The following PTAFR variants were observed in gnomAD, a reference collection of about 807,000 sequenced individuals.
PTAFR encodes the protein platelet-activating factor receptor.
PTAFR carries 8 observed loss-of-function variants against 14.7 expected under a neutral mutation model. The ratio of observed to expected loss-of-function variants is 0.54; its 90% CI spans 0.32 to 0.98. PTAFR has a LOEUF of 0.98. Among genes scored for constraint, PTAFR ranks in the 50% least tolerant of loss-of-function variants. The probability of loss-of-function intolerance (pLI) is 0.04; values close to 1 mark genes in which losing one functional copy is unlikely to be tolerated. For missense variants in PTAFR, 337 were observed against 451.2 expected (o/e 0.75, Z 2.29); for synonymous variants, 156 against 176.5 (o/e 0.88, Z 0.92).
chr1:28,186,093 C>A (rs1319609577), intron 1 of PTAFR, among the ~76,000 whole-genome samples: 1 of 152,098 alleles, frequency 6.6e-6, no homozygotes, highest in Admixed American at 6.6e-5. Context: ...TTCTCCCACC[C>A]CAGCCTCCCC....
intron 1 of PTAFR, among the ~76,000 whole-genome samples, chr1:28,156,994 C>T (rs1438253842): frequency 6.6e-6 from 1 of 152,210 alleles, no homozygotes; most frequent in Non-Finnish European, 1.5e-5. Context: ...CCTTCCTCTT[C>T]CTGGGTTCCT....
chr1:28,176,459 A>AG (rs1282506269), intron 1 of PTAFR, 133 bp downstream of exon 1: 2 of 153,054 alleles, frequency 1.3e-5, no homozygotes, highest in African/African-American at 4.8e-5. Context: ...AAAAAAAAAA[A>AG]AAAAAAGAAA....
chr1:28,190,228 TCA>T (rs1646641822), intron 1 of PTAFR, among the ~76,000 whole-genome samples: 1 of 139,332 alleles, frequency 7.2e-6, no homozygotes, highest in Non-Finnish European at 1.6e-5. Context: ...TGCCTGGGCC[TCA>T]GAGTGCTGGG....
intron 1 of PTAFR, among the ~76,000 whole-genome samples, chr1:28,184,850 G>T (rs1646593309): frequency 6.6e-6 from 1 of 152,040 alleles, no homozygotes; most frequent in Non-Finnish European, 1.5e-5. Context: ...ATGTTGGCCA[G>T]GCTGGTCTCG....
intron 1 of PTAFR, among the ~76,000 whole-genome samples, chr1:28,156,040 T>C (rs1166822911): frequency 2.0e-5 from 3 of 151,794 alleles, no homozygotes; most frequent in African/African-American, 7.3e-5. Context: ...GACGGGTGGA[T>C]CACCTGAGGT....
At chr1:28,175,008 C>A (rs1206609254) in intron 1 of PTAFR, among the ~76,000 whole-genome samples, 1 of 152,168 alleles carries the variant, frequency 6.6e-6, no homozygotes, top group African/African-American at 2.4e-5. Context: ...CTCACTGCAA[C>A]CTCCGCCTCC....
rs1438852493 is a variant in PTAFR at position 28,151,072 on chromosome 1, A to G, written c.-38-13T>C. On this transcript the variant is annotated splice_polypyrimidine_tract_variant and intron_variant, in intron 1 of 1. Coordinates refer to ENST00000373857, the MANE Select transcript of PTAFR (RefSeq NM_000952.5). ...GTCCTGGTGGTGCCTGGAAGACCAC[A>G]CAAAAATTCTGGTTAATAAAGGGAC... 2 of 1,453,446 alleles carry G rather than the reference A, an allele frequency of 1.4e-6. No individual in the cohort carries two copies. Among genetic ancestry groups the G allele is most frequent in the African/African-American group, 1.4e-5 (1 of 70,212 alleles). 90.0% of individuals were successfully genotyped at this position (1,453,446 alleles called of 1,614,324 possible).
At chr1:28,152,521 T>A (rs530567796) in intron 1 of PTAFR, among the ~76,000 whole-genome samples, 60 of 152,156 alleles carry the variant, frequency 3.9e-4, no homozygotes, top group Middle Eastern at 3.4e-3. Context: ...GGTGGGTGGA[T>A]CTCCTGATGT....
At chr1:28,154,702 C>G (rs971857171) in intron 1 of PTAFR, among the ~76,000 whole-genome samples, 4 of 150,096 alleles carry the variant, frequency 2.7e-5, no homozygotes, top group African/African-American at 9.8e-5. Context: ...ATCCCAGCTA[C>G]TTGGGAGGCT....
At chr1:28,152,484 TC>T (rs1646205496) in intron 1 of PTAFR, among the ~76,000 whole-genome samples, 3 of 152,132 alleles carry the variant, frequency 2.0e-5, no homozygotes, top group Admixed American at 1.3e-4. Context: ...ATGCCTGTAG[TC>T]CCAGCTACTC....
At chr1:28,184,095 T>TG (rs1646585852) in intron 1 of PTAFR, among the ~76,000 whole-genome samples, 2 of 131,462 alleles carry the variant, frequency 1.5e-5, no homozygotes. Flanking sequence ...TTTTTTTTTT[T>TG]TTTTTTTTTT....
intron 1 of PTAFR, among the ~76,000 whole-genome samples, chr1:28,175,739 C>T (rs912200592): frequency 6.6e-6 from 1 of 152,054 alleles, no homozygotes; most frequent in Non-Finnish European, 1.5e-5. Flanking sequence ...ACCCCGCAAA[C>T]CTAGCATTTA....
rs186582101 is a variant in PTAFR at position 28,172,469 on chromosome 1, C to T, written c.-39+4123G>A. 1.1e-3 allele frequency among the ~76,000 whole-genome samples: 160 copies of T among 152,338 alleles called. 5 individuals carry two copies. The East Asian group carries it at 0.021, about 20-fold the overall frequency. On this transcript the variant is annotated intron_variant, in intron 1 of 1. Coordinates refer to ENST00000373857, the MANE Select transcript of PTAFR (RefSeq NM_000952.5). Reference sequence around the variant, plus strand: ...GCGTCACACAGACCTGAGTCTGCACCTGGGTCTGTTTCTTCCTTGCTGCGT... The same window carrying T: ...GCGTCACACAGACCTGAGTCTGCACTTGGGTCTGTTTCTTCCTTGCTGCGT...
chr1:28,159,397 GCAGA>G (rs1646299377), intron 1 of PTAFR, among the ~76,000 whole-genome samples: 1 of 152,194 alleles, frequency 6.6e-6, no homozygotes, highest in Non-Finnish European at 1.5e-5. Flanking sequence ...GAATGACAAT[GCAGA>G]CAGAAAAGCA....
chr1:28,165,923 C>A (rs1646380644), intron 1 of PTAFR, among the ~76,000 whole-genome samples: 1 of 152,144 alleles, frequency 6.6e-6, no homozygotes, highest in Non-Finnish European at 1.5e-5. Flanking sequence ...GCCATTCTAC[C>A]AAAATCCCAG....
In PTAFR at chr1:28,150,713, G is replaced by A. The variant is rs546523078; in HGVS notation, c.309C>T (p.Cys103=). Residue 103 remains cysteine (C), a synonymous_variant, in exon 2 of 2, where the codon TGC becomes TGT. Transcript: ENST00000373857. The surrounding 1 kb of genome is among the most constrained non-coding windows in gnomAD (Gnocchi z 6.3). The stretch of plus-strand genomic sequence containing the variant: ...TGATGACGCCCAGGAAGGCCACAGA[G>A]CAGTAGGTGTTGATGAAGAAAAGGC... ...AGCLFFINTY[C]SVAFLGVITY... The A allele has an allele frequency of 6.2e-7, 1 of 1,614,178 alleles. No individual in the cohort carries two copies. The highest frequency in any genetic ancestry group is 1.1e-5 in the South Asian group (1 of 91,074).
intron 1 of PTAFR, among the ~76,000 whole-genome samples, chr1:28,188,574 A>G (rs1037050396): frequency 1.3e-5 from 2 of 152,166 alleles, no homozygotes; most frequent in African/African-American, 4.8e-5. Context: ...CCCCGTCTCT[A>G]CTAAAAATAC....
intron 1 of PTAFR, among the ~76,000 whole-genome samples, chr1:28,170,111 C>A (rs536652083): frequency 2.4e-4 from 36 of 152,274 alleles, no homozygotes; most frequent in African/African-American, 8.7e-4. Flanking sequence ...AATTCCACCT[C>A]AAGTTCCCAT....
At position 28,171,188 on chromosome 1, in the gene PTAFR, T is replaced by C. The variant is rs1224192391; in HGVS notation, c.-39+5404A>G. Among the ~76,000 whole-genome samples the C allele has an allele frequency of 3.3e-5, 5 of 151,602 alleles. No individual in the cohort carries two copies. The East Asian group carries it at 9.7e-4, about 29-fold the overall frequency. On this transcript the variant is annotated intron_variant, in intron 1 of 1. Coordinates refer to ENST00000373857, the MANE Select transcript of PTAFR (RefSeq NM_000952.5). ...AAATACAAAAATTAGCTGGGTGTGG[T>C]GGCGCACATCTGTAATCCCAGCTAC...
Sources: allele counts gnomAD v4.1 joint callset (sites outside exome capture counted in the v4.1 genomes callset), GRCh38; gene constraint gnomAD v4.1.1; non-coding constraint Gnocchi (gnomAD v3.1); transcripts MANE v1.5; gene names NCBI Gene and HGNC (gene_info 2026-07-23, HGNC 2026-07-21).